CENPK: variants seen among roughly 807,000 people sequenced by gnomAD.
CENPK encodes SoxLZ/Sox6-binding protein Solt.
CENPK carries 46 observed loss-of-function variants against 40.9 expected under a neutral mutation model. That is an observed-to-expected ratio of 1.13 (90% CI 0.89 to 1.44). CENPK has a LOEUF of 1.44. Ranked by LOEUF, CENPK falls within the 40% of genes most tolerant of loss-of-function variation. CENPK has a pLI of 0.00. For missense variants in CENPK, 288 were observed against 303.5 expected (o/e 0.95, Z 0.38); for synonymous variants, 107 against 104.4 (o/e 1.02, Z -0.15).
intron 5 of CENPK, 136 bp from the exon 6 acceptor site, chr5:65,542,984 G>T: frequency 1.5e-6 from 1 of 677,630 alleles, no homozygotes; most frequent in Non-Finnish European, 2.4e-6. Context: ...TCCCCTCCAA[G>T]GCAGAGTTTC....
intron 2 of CENPK, among the ~76,000 whole-genome samples, chr5:65,556,357 C>T (rs1750977003): frequency 6.6e-6 from 1 of 151,814 alleles, no homozygotes; most frequent in African/African-American, 2.4e-5. Context: ...GTCCTGTAGC[C>T]CAAGCTGCTC....
intron 2 of CENPK, among the ~76,000 whole-genome samples, chr5:65,559,358 G>A (rs913478356): frequency 3.3e-5 from 5 of 152,064 alleles, no homozygotes; most frequent in Admixed American, 6.5e-5. Flanking sequence ...GGCCGGGCGC[G>A]GTGGCTCACG....
chr5:65,546,233 CCCG>C (rs1190149800), intron 5 of CENPK, among the ~76,000 whole-genome samples: 14 of 125,742 alleles, frequency 1.1e-4, no homozygotes, highest in African/African-American at 4.1e-4. Flanking sequence ...CCCCTGCCCC[CCCG>C]CTCAGGTGAT....
At chr5:65,512,301 G>C in the CENPK span, among the ~76,000 whole-genome samples, 1 of 152,220 alleles carries the variant, frequency 6.6e-6, no homozygotes, top group Non-Finnish European at 1.5e-5. Flanking sequence ...CAGGGTTTGA[G>C]AGGAGTGACT....
chr5:65,514,259 TTTA>T (rs1742702825), downstream of CENPK, among the ~76,000 whole-genome samples: 1 of 27,264 alleles, frequency 3.7e-5, no homozygotes, highest in Non-Finnish European at 6.4e-5. Flanking sequence ...TTTTTTTTTT[TTTA>T]GTTTTTTTTA....
intron 5 of CENPK, chr5:65,551,152 A>C (rs1429018571): frequency 5.1e-6 from 2 of 395,536 alleles, no homozygotes; most frequent in South Asian, 3.6e-5. Flanking sequence ...CAGGAGGCTG[A>C]GGTAGGAGGA....
chr5:65,502,529 A>G, the CENPK span, among the ~76,000 whole-genome samples: 12 of 152,180 alleles, frequency 7.9e-5, no homozygotes, highest in Non-Finnish European at 1.5e-4. Flanking sequence ...CATTTTCAAA[A>G]TATTTATTCT....
intron 10 of CENPK, among the ~76,000 whole-genome samples, chr5:65,520,196 G>A (rs1743462037): frequency 6.6e-6 from 1 of 152,142 alleles, no homozygotes; most frequent in Non-Finnish European, 1.5e-5. Flanking sequence ...CTGCTTAAAA[G>A]TGTGTGTGGT....
chr5:65,507,978 C>G, the CENPK span, among the ~76,000 whole-genome samples: 1 of 152,146 alleles, frequency 6.6e-6, no homozygotes, highest in African/African-American at 2.4e-5. Context: ...GAGGTTAATG[C>G]ATTTTTGGCA....
intron 6 of CENPK, among the ~76,000 whole-genome samples, chr5:65,537,050 A>G (rs1009342471): frequency 6.6e-6 from 1 of 152,230 alleles, no homozygotes; most frequent in African/African-American, 2.4e-5. Flanking sequence ...ATAATACAGT[A>G]AGATGGCCTT....
rs577792004 is a variant in CENPK at position 65,518,374 on chromosome 5, C to T, written c.*101G>A. On this transcript the variant is annotated 3_prime_UTR_variant, in exon 11 of 11. Coordinates refer to ENST00000396679, the MANE Select transcript of CENPK (RefSeq NM_022145.5). Reference sequence around the variant, plus strand: ...TGCAATAAAAGTAAGATGGCCTATGCGCATTAATTTGCAAATAATGTTTTT... The same window carrying T: ...TGCAATAAAAGTAAGATGGCCTATGTGCATTAATTTGCAAATAATGTTTTT... The T allele has an allele frequency of 5.2e-5, 60 of 1,146,098 alleles. No homozygotes were observed. In the East Asian group the frequency reaches 9.9e-4, roughly 19 times the overall value. The allele number at this position is 1,146,098 out of a possible 1,614,324, so 71.0% of individuals were successfully genotyped here.
downstream of CENPK, among the ~76,000 whole-genome samples, chr5:65,515,899 C>T (rs1156372082): frequency 6.6e-6 from 1 of 152,158 alleles, no homozygotes; most frequent in African/African-American, 2.4e-5. Context: ...TTCATTTTCT[C>T]AAATTTCTGA....
At chr5:65,557,284 T>C (rs1430757789) in intron 2 of CENPK, among the ~76,000 whole-genome samples, 1 of 152,206 alleles carries the variant, frequency 6.6e-6, no homozygotes, top group African/African-American at 2.4e-5. Context: ...AACTGTTTTT[T>C]CTAAAAATAC....
intron 10 of CENPK, among the ~76,000 whole-genome samples, chr5:65,519,335 A>G (rs1166573181): frequency 5.3e-5 from 8 of 152,186 alleles, no homozygotes; most frequent in Admixed American, 2.0e-4. Flanking sequence ...ATGCACTGCT[A>G]TTATAAAAGT....
downstream of CENPK, among the ~76,000 whole-genome samples, chr5:65,513,498 G>C (rs1267873353): frequency 6.6e-6 from 1 of 152,032 alleles, no homozygotes; most frequent in Admixed American, 6.6e-5. Flanking sequence ...TTTCCATATA[G>C]ATCTTGTACA....
intron 9 of CENPK, among the ~76,000 whole-genome samples, chr5:65,522,700 G>A (rs1464978931): frequency 6.6e-6 from 1 of 152,172 alleles, no homozygotes; most frequent in Non-Finnish European, 1.5e-5. Flanking sequence ...TAAAGTGCGG[G>A]ATTACAGGTG....
At chr5:65,520,853 T>A (rs1743593861) in intron 10 of CENPK, among the ~76,000 whole-genome samples, 1 of 152,208 alleles carries the variant, frequency 6.6e-6, no homozygotes, top group Non-Finnish European at 1.5e-5. Context: ...CAATTTACCA[T>A]GAATTGTCAT....
chr5:65,509,983 C>T, the CENPK span, among the ~76,000 whole-genome samples: 28 of 152,248 alleles, frequency 1.8e-4, no homozygotes, highest in African/African-American at 6.3e-4. Flanking sequence ...TTGACTGTTC[C>T]ACCAACCAGC....
At chr5:65,549,956 T>G (rs1235082632) in intron 5 of CENPK, among the ~76,000 whole-genome samples, 2 of 152,006 alleles carry the variant, frequency 1.3e-5, no homozygotes, top group Non-Finnish European at 2.9e-5. Flanking sequence ...ACCACGAGGT[T>G]AGGAGATCAA....
Sources: allele counts gnomAD v4.1 joint callset (sites outside exome capture counted in the v4.1 genomes callset), GRCh38; gene constraint gnomAD v4.1.1; transcripts MANE v1.5; gene names NCBI Gene and HGNC (gene_info 2026-07-23, HGNC 2026-07-21).